Variants in URGCP observed in about 807,000 individuals in gnomAD.
URGCP encodes upregulator of cell proliferation.
URGCP carries 13 observed loss-of-function variants against 24.6 expected under a neutral mutation model. That is an observed-to-expected ratio of 0.53 (90% CI 0.34 to 0.84). The LOEUF (loss-of-function observed/expected upper bound fraction) is 0.84, where lower values mean the gene tolerates loss of function less well. Among genes scored for constraint, URGCP ranks in the 40% least tolerant of loss-of-function variants. The pLI, the probability that URGCP is intolerant of heterozygous loss-of-function variation, is 0.01. For missense variants in URGCP, 899 were observed against 1,194.3 expected (o/e 0.75, Z 3.64); for synonymous variants, 444 against 487.2 (o/e 0.91, Z 1.17).
At chr7:43,901,844 A>G (rs553634535) in intron 1 of URGCP, among the ~76,000 whole-genome samples, 1 of 152,280 alleles carries the variant, frequency 6.6e-6, no homozygotes, top group East Asian at 1.9e-4. Flanking sequence ...GCAAAGACAA[A>G]AGGTTAAAAG....
At chr7:43,916,101 T>C (rs181945785) in intron 1 of URGCP, among the ~76,000 whole-genome samples, 13 of 152,366 alleles carry the variant, frequency 8.5e-5, no homozygotes, top group Admixed American at 7.8e-4. Context: ...TTCTCCATCC[T>C]GTCAGCAGTT....
chr7:43,883,358 A>ATTTTTTTTTTTT (rs1490751876), intron 3 of URGCP, among the ~76,000 whole-genome samples: 2 of 95,870 alleles, frequency 2.1e-5, no homozygotes, highest in Non-Finnish European at 3.8e-5. Flanking sequence ...ATATATATAT[A>ATTTTTTTTTTTT]TATATTTTTT....
At chr7:43,900,572 A>T (rs1279719109) in intron 1 of URGCP, among the ~76,000 whole-genome samples, 2 of 152,072 alleles carry the variant, frequency 1.3e-5, no homozygotes, top group African/African-American at 4.8e-5. Flanking sequence ...CCTAGCATAC[A>T]GGTAGGTCTC....
At chr7:43,887,737 T>C (rs1213197742) in intron 2 of URGCP, 53 bp downstream of exon 2, 1 of 1,541,390 alleles carries the variant, frequency 6.5e-7, no homozygotes, top group South Asian at 1.2e-5. Context: ...TCTCCAAAAC[T>C]GCTGGCCAGA....
chr7:43,925,495 T>A (rs2095928244), intron 1 of URGCP, among the ~76,000 whole-genome samples: 4 of 152,278 alleles, frequency 2.6e-5, no homozygotes, highest in Admixed American at 2.0e-4. Flanking sequence ...TCTGTTTTTT[T>A]ATTTTTATTT....
intron 1 of URGCP, chr7:43,920,011 C>G: frequency 7.6e-7 from 1 of 1,317,762 alleles, no homozygotes; most frequent in Non-Finnish European, 1.1e-6. Flanking sequence ...ATGAGTACCA[C>G]ATGGCCACAT....
intron 5 of URGCP, among the ~76,000 whole-genome samples, chr7:43,880,800 T>TAG (rs1404232867): frequency 6.6e-6 from 1 of 152,196 alleles, no homozygotes; most frequent in Non-Finnish European, 1.5e-5. Flanking sequence ...AGTTCCTTTC[T>TAG]CGAGAGAGGA....
intron 1 of URGCP, among the ~76,000 whole-genome samples, chr7:43,903,153 G>C (rs1259551998): frequency 6.6e-6 from 1 of 150,604 alleles, no homozygotes; most frequent in East Asian, 1.9e-4. Flanking sequence ...GAGAGAAAGA[G>C]AAAGAGAGAA....
chr7:43,906,775 G>A (rs1319037292), upstream of URGCP: 3 of 231,386 alleles, frequency 1.3e-5, no homozygotes, highest in African/African-American at 7.0e-5. Context: ...GTGGGGGCGG[G>A]GCGGCCCAGG....
Position 43,877,838 on chromosome 7 carries a change from T to C in URGCP, c.1625A>G (p.His542Arg), listed in dbSNP as rs767463113. ...CTCCTGCACCCCCGAGGAGGGATCATGGCCGTTCTGCTGCATTCGAAGTTC... is the reference window on the plus strand; with the variant it reads ...CTCCTGCACCCCCGAGGAGGGATCACGGCCGTTCTGCTGCATTCGAAGTTC... ...LLELRMQQNG[H>R]DPSSGVQEFI... The change falls in exon 6 of 6, where the codon CAT becomes CGT. Residue 542 changes from histidine (H) to arginine (R), a missense_variant. By Grantham distance (29) the His-to-Arg change is conservative. Transcript: ENST00000453200. The C allele has an allele frequency of 1.3e-5, 21 of 1,610,798 alleles. No homozygotes were observed. Among genetic ancestry groups the C allele is most frequent in the Non-Finnish European group, 1.5e-5 (18 of 1,178,358 alleles).
intron 1 of URGCP, among the ~76,000 whole-genome samples, chr7:43,905,438 C>A (rs1002281172): frequency 2.0e-5 from 3 of 152,140 alleles, no homozygotes; most frequent in African/African-American, 7.2e-5. Flanking sequence ...CGGAAATGAC[C>A]ACTGCCCCAA....
upstream of URGCP, among the ~76,000 whole-genome samples, chr7:43,909,428 T>C (rs1000100883): frequency 5.3e-5 from 8 of 152,196 alleles, no homozygotes; most frequent in African/African-American, 1.9e-4. Flanking sequence ...CTTCATAGGT[T>C]AAAAACCAGT....
chr7:43,916,570 G>A (rs1186404557), intron 1 of URGCP, among the ~76,000 whole-genome samples: 1 of 152,044 alleles, frequency 6.6e-6, no homozygotes, highest in Admixed American at 6.6e-5. Flanking sequence ...TAATTTCTGC[G>A]GATTAAGCCA....
At chr7:43,902,745 C>T (rs2095893722) in intron 1 of URGCP, among the ~76,000 whole-genome samples, 1 of 152,102 alleles carries the variant, frequency 6.6e-6, no homozygotes, top group Non-Finnish European at 1.5e-5. Context: ...TACAGAGAAT[C>T]CTTAAAATCT....
intron 1 of URGCP, chr7:43,918,628 A>G (rs6976728): frequency 0.39 from 220,374 of 568,206 alleles, 44,718 homozygotes; most frequent in South Asian, 0.58. Flanking sequence ...TTAAAAGTGG[A>G]TATCTGGGGG....
chr7:43,903,814 A>C (rs2095896041), intron 1 of URGCP, among the ~76,000 whole-genome samples: 1 of 152,204 alleles, frequency 6.6e-6, no homozygotes, highest in Admixed American at 6.5e-5. Flanking sequence ...TTCAGACAAC[A>C]GTTAAAGCCA....
rs1372929019 is a variant in URGCP at position 43,877,779 on chromosome 7, C to G, written c.1684G>C (p.Glu562Gln). The stretch of plus-strand genomic sequence containing the variant: ...ATCCACCTCAGGAAGTACTGCTTCT[C>G]ACTCAAGGAGGGGCTGCTGATCCCC... ...ISGISSPSLSEKQYFLRWMEW... is the reference protein window; with the variant it reads ...ISGISSPSLSQKQYFLRWMEW... Residue 562 changes from glutamate to glutamine, a missense_variant, in exon 6 of 6, where the codon GAG (glutamate) becomes CAG (glutamine). Coordinates refer to ENST00000453200, the MANE Select transcript of URGCP (RefSeq NM_001077663.3). The G allele has an allele frequency of 6.2e-7, 1 of 1,602,548 alleles. No homozygotes were observed. The highest frequency in any genetic ancestry group is 1.3e-5 in the African/African-American group (1 of 74,698).
intron 4 of URGCP, 77 bp from the exon 5 acceptor site, chr7:43,881,774 A>C (rs1296083549): frequency 1.1e-5 from 17 of 1,610,944 alleles, no homozygotes; most frequent in Non-Finnish European, 1.4e-5. Context: ...TTGAAGCTAA[A>C]CCTAGAACCC....
intron 3 of URGCP, among the ~76,000 whole-genome samples, chr7:43,886,615 T>C (rs1279167996): frequency 6.6e-6 from 1 of 152,110 alleles, no homozygotes; most frequent in Non-Finnish European, 1.5e-5. Flanking sequence ...TAGCCGTGCA[T>C]GGTGGCGCAT....
Sources: gnomAD v4.1 joint callset for allele counts (sites outside exome capture counted in the v4.1 genomes callset) on GRCh38, gnomAD v4.1.1 for gene constraint, MANE v1.5 for transcripts, NCBI Gene and HGNC (gene_info 2026-07-23, HGNC 2026-07-21) for gene names.